Variants in SLC38A5 observed in about 807,000 individuals in gnomAD.
The protein encoded by SLC38A5 is solute carrier family 38 member 5, also known as sodium-coupled neutral amino acid transporter 5.
Under a neutral mutation model 34.6 loss-of-function variants are expected in SLC38A5, and 9 were observed. That is an observed-to-expected ratio of 0.26 (90% CI 0.16 to 0.45). The LOEUF is 0.45. Among genes scored for constraint, SLC38A5 ranks in the 20% least tolerant of loss-of-function variants. The probability of loss-of-function intolerance (pLI) is 1.00; values close to 1 mark genes in which losing one functional copy is unlikely to be tolerated. For missense variants in SLC38A5, 253 were observed against 394.7 expected (o/e 0.64, Z 3.04); for synonymous variants, 157 against 155.6 (o/e 1.01, Z -0.07).
chrX:48,467,883 C>T lies in SLC38A5; in HGVS notation c.42G>A (p.Ser14=), dbSNP rs34099520. Residue 14 remains serine, a synonymous_variant, in exon 3 of 17, where the codon TCG becomes TCA. Transcript: ENST00000620913. The part of the protein sequence containing the change: ...QDPKMNGALP[S]DAVGYRQERE... ...GACCCCTGACTCACCCCACAGCATC[C>T]GAAGGGAGGGCTCCATTCATCTTTG... 8.7e-4 allele frequency: 1,050 copies of T among 1,205,530 alleles called. 1 individual carries two copies. The African/African-American group carries it at 0.012, about 14-fold the overall frequency.
chrX:48,466,342 A>G lies in SLC38A5; in HGVS notation c.320-20T>C. Reference sequence around the variant, plus strand: ...GGATGCCTAGCGGGGGGAGTCAGGAACAGGGTTGAAGGTCCAGGAGGCCAG... The same window carrying G: ...GGATGCCTAGCGGGGGGAGTCAGGAGCAGGGTTGAAGGTCCAGGAGGCCAG... On this transcript the variant is annotated intron_variant, in intron 6 of 16. Transcript: ENST00000620913. 1 of 1,179,247 alleles carries G rather than the reference A, an allele frequency of 8.5e-7. No homozygotes were observed.
Position 48,458,906 on chromosome X carries a change from A to G in SLC38A5, c.*27T>C. ...CCCTGACCCCTCCATGTGCATGCGC[A>G]CAGGGACCTGGGCCAGCAGGGCCTG... is the stretch of plus-strand genomic sequence containing the variant. On this transcript the variant is annotated 3_prime_UTR_variant, in exon 17 of 17. Transcript: ENST00000620913. The G allele has an allele frequency of 8.6e-7, 1 of 1,167,850 alleles. No individual in the cohort carries two copies. Among genetic ancestry groups the G allele is most frequent in the Non-Finnish European group, 1.1e-6 (1 of 872,689 alleles).
At chrX:48,460,949 T>TGCC in intron 13 of SLC38A5, 37 bp downstream of exon 13, 19 of 1,087,509 alleles carry the variant, frequency 1.7e-5, no homozygotes, top group Non-Finnish European at 2.0e-5. Flanking sequence ...CCCCAGGCCT[T>TGCC]CCCCCTCCCC....
intron 8 of SLC38A5, among the ~76,000 whole-genome samples, 185 bp from the exon 9 acceptor site, chrX:48,463,165 C>A (rs891773577): frequency 1.8e-5 from 2 of 112,715 alleles, no homozygotes; most frequent in Non-Finnish European, 3.7e-5. Context: ...TTGACAAAAA[C>A]AGTCAAGCTG....
chrX:48,467,097 C>T lies in SLC38A5; in HGVS notation c.130-20G>A, dbSNP rs2061482995. The T allele has an allele frequency of 5.1e-6, 6 of 1,171,361 alleles. No homozygotes were observed. The South Asian group carries it at 9.1e-5, about 18-fold the overall frequency. The stretch of plus-strand genomic sequence containing the variant: ...CTCGAACTGCACGCAAGGAGCAAAG[C>T]CCGGGCACACATTGGGACAGGGCAC... On this transcript the variant is annotated intron_variant, in intron 4 of 16. Transcript: ENST00000620913.
intron 2 of SLC38A5, chrX:48,468,935 C>G: frequency 1.3e-6 from 1 of 753,779 alleles, no homozygotes. Context: ...GAGCCTGGAG[C>G]CCCTGTCTTG....
At chrX:48,459,367 G>A (rs2061419420) in intron 16 of SLC38A5, 169 bp downstream of exon 16, 1 of 496,488 alleles carries the variant, frequency 2.0e-6, no homozygotes, top group Admixed American at 4.8e-5. Context: ...CTGGTGCTCT[G>A]TCTCCTCTGC....
intron 2 of SLC38A5, chrX:48,468,265 TGGA>T (rs1556964108): frequency 1.1e-6 from 1 of 912,177 alleles, no homozygotes; most frequent in Non-Finnish European, 1.4e-6. Flanking sequence ...GCCGACCACG[TGGA>T]GAAGGGATAG....
At position 48,463,142 on chromosome X, in the gene SLC38A5, C is replaced by T. The variant is rs782246876; in HGVS notation, c.492-162G>A. ...TCATTCAGGTGGTCACAGTGACAAA[C>T]GGCACAATAGGGTTGACAAAAACAG... is the stretch of plus-strand genomic sequence containing the variant. On this transcript the variant is annotated intron_variant, in intron 8 of 16. Coordinates refer to ENST00000620913, the MANE Select transcript of SLC38A5 (RefSeq NM_033518.4). Among the ~76,000 whole-genome samples the T allele has an allele frequency of 1.7e-4, 19 of 112,648 alleles. 1 individual carries two copies. In the South Asian group the frequency reaches 6.2e-3, roughly 37 times the overall value.
At chrX:48,467,100 G>A (rs1010964872) in intron 4 of SLC38A5, 23 bp from the exon 5 acceptor site, 8 of 1,165,494 alleles carry the variant, frequency 6.9e-6, no homozygotes, top group Non-Finnish European at 8.2e-6. Flanking sequence ...AGCAAAGCCC[G>A]GGCACACATT....
chrX:48,465,220 T>A (rs1414026640), intron 8 of SLC38A5, among the ~76,000 whole-genome samples: 1 of 111,220 alleles, frequency 9.0e-6, no homozygotes, highest in Non-Finnish European at 1.9e-5. Context: ...GGATCCGGAC[T>A]CACACACAGT....
At chrX:48,467,446 G>A (rs2061486117) in intron 4 of SLC38A5, 1 of 430,505 alleles carries the variant, frequency 2.3e-6, no homozygotes, top group Non-Finnish European at 4.1e-6. Context: ...AGAAAGGCAG[G>A]CCGGGAGGGG....
intron 8 of SLC38A5, among the ~76,000 whole-genome samples, chrX:48,465,190 A>G (rs1351539622): frequency 9.0e-6 from 1 of 111,689 alleles, no homozygotes; most frequent in African/African-American, 3.3e-5. Flanking sequence ...TGCCCCCCAC[A>G]CATACCAAGC....
At chrX:48,461,546 C>T in intron 12 of SLC38A5, among the ~76,000 whole-genome samples, 172 bp downstream of exon 12, 1 of 112,162 alleles carries the variant, frequency 8.9e-6, no homozygotes, top group Non-Finnish European at 1.9e-5. Context: ...AATCAGCAAA[C>T]AGTCACTACC....
chrX:48,467,377 G>A (rs929456068), intron 4 of SLC38A5: 3 of 410,364 alleles, frequency 7.3e-6, no homozygotes, highest in East Asian at 4.0e-5. Context: ...GAGGGGAGAC[G>A]CTGCGGGTGG....
At chrX:48,465,575 G>A (rs1383630434) in intron 8 of SLC38A5, among the ~76,000 whole-genome samples, 3 of 111,913 alleles carry the variant, frequency 2.7e-5, no homozygotes, top group African/African-American at 9.8e-5. Flanking sequence ...GCTGGACAGG[G>A]GAAGTCAGAG....
chrX:48,467,521 G>C (rs999104958), intron 4 of SLC38A5, 189 bp downstream of exon 4: 1 of 458,271 alleles, frequency 2.2e-6, no homozygotes, highest in East Asian at 3.7e-5. Context: ...CAGGGAGAGA[G>C]CTGGAAAGGG....
intron 3 of SLC38A5, 27 bp from the exon 4 acceptor site, chrX:48,467,812 G>A (rs782558296): frequency 1.5e-5 from 18 of 1,200,597 alleles, no homozygotes; most frequent in Non-Finnish European, 1.8e-5. Flanking sequence ...AATAGGGGCC[G>A]ATAAGAGGGA....
At chrX:48,467,326 C>T (rs1225127496) in intron 4 of SLC38A5, 17 of 409,918 alleles carry the variant, frequency 4.1e-5, no homozygotes, top group South Asian at 1.5e-4. Flanking sequence ...TGGAGAGGAC[C>T]GGGGGAGGGT....
Sources: allele counts gnomAD v4.1 joint callset (sites outside exome capture counted in the v4.1 genomes callset), GRCh38; gene constraint gnomAD v4.1.1; transcripts MANE v1.5; gene names NCBI Gene and HGNC (gene_info 2026-07-23, HGNC 2026-07-21).